The following ADGRD1 variants were observed in gnomAD, a reference collection of about 807,000 sequenced individuals.
The protein encoded by ADGRD1 is G-protein coupled receptor 133.
ADGRD1 carries 77 observed loss-of-function variants against 113.4 expected under a neutral mutation model. That is an observed-to-expected ratio of 0.68 (90% confidence interval 0.57 to 0.82). The LOEUF is 0.82. Ranked by LOEUF, ADGRD1 falls within the 40% of genes least tolerant of loss-of-function variation. The probability of loss-of-function intolerance (pLI) is 0.00; values close to 1 mark genes in which losing one functional copy is unlikely to be tolerated. For synonymous variants in ADGRD1, 474 were observed against 475.0 expected, an observed-to-expected ratio of 1.00 and a Z score of 0.03; for missense variants, 1,036 against 1,139.1, an observed-to-expected ratio of 0.91 and a Z score of 1.30.
intron 13 of ADGRD1, among the ~76,000 whole-genome samples, chr12:131,028,975 C>T (rs1458862441): frequency 6.6e-6 from 1 of 152,230 alleles, no homozygotes; most frequent in Non-Finnish European, 1.5e-5. Context: ...ATGGGTGGGG[C>T]TCGGCAGTGC....
chr12:131,073,522 G>T (rs1247026316), intron 13 of ADGRD1, among the ~76,000 whole-genome samples: 5 of 152,174 alleles, frequency 3.3e-5, no homozygotes, highest in African/African-American at 1.2e-4. Flanking sequence ...GGACCATGGT[G>T]CCATCTCTCT....
chr12:131,060,169 G>A lies in ADGRD1; in HGVS notation c.1474-16632G>A, dbSNP rs937016574. On this transcript the variant is annotated intron_variant, in intron 13 of 24. Transcript: ENST00000261654. This position sits in a 1 kb window ranked among gnomAD's most constrained non-coding sequence, Gnocchi z 4.4. ...TCCCCCAGGGCTCTGCTGATGCCCC[G>A]CATTGCTTCTCCCCATGGCTTCACA... Among the ~76,000 whole-genome samples the A allele has an allele frequency of 2.0e-5, 3 of 152,198 alleles. No homozygotes were observed. Among genetic ancestry groups the A allele is most frequent in the Admixed American group, 6.5e-5 (1 of 15,284 alleles).
chr12:131,097,425 A>G (rs1460328118), intron 15 of ADGRD1, among the ~76,000 whole-genome samples: 1 of 152,176 alleles, frequency 6.6e-6, no homozygotes, highest in Non-Finnish European at 1.5e-5. Context: ...GCACCCCTCA[A>G]GTGGCCAAGC....
intron 20 of ADGRD1, among the ~76,000 whole-genome samples, chr12:131,123,841 AG>A (rs1019741507): frequency 2.6e-5 from 4 of 151,056 alleles, no homozygotes; most frequent in African/African-American, 9.7e-5. Flanking sequence ...AAAAAAAAAA[AG>A]GTTCCAGGTT....
At chr12:130,997,959 C>CGA (rs1875822673) in intron 8 of ADGRD1, among the ~76,000 whole-genome samples, 1 of 152,208 alleles carries the variant, frequency 6.6e-6, no homozygotes, top group Admixed American at 6.5e-5. Context: ...CCCCGCACCT[C>CGA]CGGAGGCTGA....
At chr12:130,999,258 G>A (rs1299707511) in intron 8 of ADGRD1, among the ~76,000 whole-genome samples, 1 of 152,194 alleles carries the variant, frequency 6.6e-6, no homozygotes, top group African/African-American at 2.4e-5. Flanking sequence ...ATTGTCTGTG[G>A]CTGCTTTTGC....
At position 131,139,187 on chromosome 12, in the gene ADGRD1, G is replaced by A. The variant is rs1211650690; in HGVS notation, c.2549G>A (p.Gly850Asp). 17 of 1,612,994 alleles carry A rather than the reference G, an allele frequency of 1.1e-5. No homozygotes were observed. Among genetic ancestry groups the A allele is most frequent in the East Asian group, 2.2e-5 (1 of 44,870 alleles). The change falls in exon 25 of 25, where the codon GGC becomes GAC. Residue 850 changes from glycine (G) to aspartate (D), a missense_variant. Transcript: ENST00000261654. Reference sequence around the variant, plus strand: ...TTGCAGATGAATGGGACCCGGCCAGGCATGGCCTCCACCAAGCTCAGCCCT... The same window carrying A: ...TTGCAGATGAATGGGACCCGGCCAGACATGGCCTCCACCAAGCTCAGCCCT... ...HSDLMNGTRP[G>D]MASTKLSPWD...
chr12:131,013,812 G>A (rs982460090), intron 12 of ADGRD1, among the ~76,000 whole-genome samples: 1 of 152,184 alleles, frequency 6.6e-6, no homozygotes, highest in Non-Finnish European at 1.5e-5. Flanking sequence ...CTGATTAAGT[G>A]GAATCGGTGA....
At chr12:131,123,324 C>T (rs1322741186) in intron 20 of ADGRD1, among the ~76,000 whole-genome samples, 7 of 151,082 alleles carry the variant, frequency 4.6e-5, no homozygotes, top group Non-Finnish European at 8.8e-5. Flanking sequence ...GGACTGCAGG[C>T]GTGAGCCACT....
chr12:131,014,049 C>G (rs1034566869), intron 12 of ADGRD1, 150 bp from the exon 13 acceptor site: 1 of 719,968 alleles, frequency 1.4e-6, no homozygotes, highest in East Asian at 2.8e-5. Flanking sequence ...AGGAGAGCAG[C>G]GGGAGCTGAA....
At chr12:131,009,915 G>C (rs1214348154) in intron 12 of ADGRD1, among the ~76,000 whole-genome samples, 1 of 152,218 alleles carries the variant, frequency 6.6e-6, no homozygotes, top group African/African-American at 2.4e-5. Context: ...GCGTTGTACT[G>C]TTTTCTGGCA....
intron 5 of ADGRD1, among the ~76,000 whole-genome samples, chr12:130,985,091 T>C (rs1873490183): frequency 7.8e-6 from 1 of 128,386 alleles, no homozygotes; most frequent in African/African-American, 2.8e-5. Context: ...TGTGCCACCA[T>C]GTCTCACTAG....
intron 18 of ADGRD1, among the ~76,000 whole-genome samples, chr12:131,115,125 A>G (rs549529013): frequency 5.3e-5 from 8 of 152,262 alleles, no homozygotes; most frequent in African/African-American, 1.9e-4. Flanking sequence ...CAAGGCTGCA[A>G]TAACAAACAG....
At chr12:131,078,663 A>G (rs946312187) in intron 14 of ADGRD1, among the ~76,000 whole-genome samples, 13 of 152,182 alleles carry the variant, frequency 8.5e-5, no homozygotes, top group Non-Finnish European at 2.9e-5. Flanking sequence ...GCAGGTACCC[A>G]TTGCCCCAAA....
intron 8 of ADGRD1, among the ~76,000 whole-genome samples, chr12:130,999,156 A>G (rs1456393455): frequency 6.6e-6 from 1 of 152,262 alleles, no homozygotes; most frequent in Admixed American, 6.5e-5. Flanking sequence ...CTCTGGATCA[A>G]GAGTCGGCAA....
chr12:130,963,836 A>G (rs890527396), intron 2 of ADGRD1, among the ~76,000 whole-genome samples: 1 of 152,204 alleles, frequency 6.6e-6, no homozygotes, highest in Non-Finnish European at 1.5e-5. Flanking sequence ...ATCAAAGGGA[A>G]TGTACACTTA....
Position 130,992,520 on chromosome 12 carries a change from A to G in ADGRD1, c.966+128A>G, listed in dbSNP as rs1874553778. 10 of 841,310 alleles carry G rather than the reference A, an allele frequency of 1.2e-5. No homozygotes were observed. The South Asian group carries it at 1.7e-4, about 14-fold the overall frequency. The allele number at this position is 841,310 out of a possible 1,614,324, so 52.1% of individuals were successfully genotyped here. On this transcript the variant is annotated intron_variant, in intron 8 of 24. Coordinates refer to ENST00000261654, the MANE Select transcript of ADGRD1 (RefSeq NM_198827.5). ...ACTTTTACTGAAACGTTTGGGTTTCAGGCTTCTCATGAACAACCAGCTGGT... is the reference window on the plus strand; with the variant it reads ...ACTTTTACTGAAACGTTTGGGTTTCGGGCTTCTCATGAACAACCAGCTGGT...
rs146859468 is a variant in ADGRD1 at position 130,959,601 on chromosome 12, T to C, written c.103+4941T>C. 9.2e-5 allele frequency among the ~76,000 whole-genome samples: 14 copies of C among 152,318 alleles called. No homozygotes were observed. The East Asian group carries it at 2.7e-3, about 29-fold the overall frequency. On this transcript the variant is annotated intron_variant, in intron 2 of 24. Coordinates refer to ENST00000261654, the MANE Select transcript of ADGRD1 (RefSeq NM_198827.5). ...ATATCTATATATTTATTGACTTGTC[T>C]GTGCACAGTCACTGAAGATTTGCTA...
rs149317249 is a variant in ADGRD1 at position 131,108,498 on chromosome 12, A to G, written c.1888-226A>G. Among the ~76,000 whole-genome samples, 508 of 152,202 alleles carry G rather than the reference A, an allele frequency of 3.3e-3. 1 individual carries two copies. Among genetic ancestry groups the G allele is most frequent in the Non-Finnish European group, 6.4e-3 (433 of 68,016 alleles). On this transcript the variant is annotated intron_variant, in intron 17 of 24. Transcript: ENST00000261654. ...GCCTGAGTCCTGTGCCCTCTCCTGA[A>G]CCAATCACCATCCCTGGGGGCAACA...
Sources: allele counts gnomAD v4.1 joint callset (sites outside exome capture counted in the v4.1 genomes callset), GRCh38; gene constraint gnomAD v4.1.1; non-coding constraint Gnocchi (gnomAD v3.1); transcripts MANE v1.5; gene names NCBI Gene and HGNC (gene_info 2026-07-23, HGNC 2026-07-21).